The following PCSK6 variants were observed in gnomAD, a reference collection of about 807,000 sequenced individuals.
PCSK6 encodes paired basic amino acid cleaving enzyme 4.
A neutral mutation model predicts 123.3 loss-of-function variants in PCSK6; 85 were observed. The observed-to-expected ratio is 0.69, with a 90% CI of 0.58 to 0.83. PCSK6 has a LOEUF of 0.83. Among genes scored for constraint, PCSK6 ranks in the 40% least tolerant of loss-of-function variants. PCSK6 has a pLI of 0.00. For missense variants in PCSK6, 1,191 were observed against 1,282.3 expected (o/e 0.93, Z 1.09); for synonymous variants, 508 against 516.0 (o/e 0.98, Z 0.21).
intron 20 of PCSK6, among the ~76,000 whole-genome samples, chr15:101,310,815 G>A (rs1287187016): frequency 2.0e-5 from 3 of 152,218 alleles, no homozygotes; most frequent in African/African-American, 4.8e-5. Context: ...ACCCCACTGT[G>A]TGGTGAATCG....
At chr15:101,315,686 G>A (rs1008427325) in intron 19 of PCSK6, among the ~76,000 whole-genome samples, 2 of 152,268 alleles carry the variant, frequency 1.3e-5, no homozygotes, top group African/African-American at 4.8e-5. Context: ...ATGCTTGAGG[G>A]CTGACCGTCA....
chr15:101,403,263 G>T (rs1228711663), intron 6 of PCSK6, among the ~76,000 whole-genome samples: 7 of 116,028 alleles, frequency 6.0e-5, no homozygotes, highest in Admixed American at 1.1e-4. Flanking sequence ...ACACTCTGGG[G>T]ACTGTTGTGG....
intron 2 of PCSK6, among the ~76,000 whole-genome samples, chr15:101,443,144 T>G (rs1596337978): frequency 6.6e-6 from 1 of 152,346 alleles, no homozygotes; most frequent in East Asian, 1.9e-4. Flanking sequence ...ATCCTGAAGA[T>G]CATGTGAATC....
chr15:101,341,285 G>A (rs2040602480), intron 13 of PCSK6, among the ~76,000 whole-genome samples: 2 of 135,038 alleles, frequency 1.5e-5, no homozygotes, highest in Admixed American at 8.0e-5. Flanking sequence ...GTCTTGCTCT[G>A]TTATCCAGGC....
At chr15:101,431,624 A>G in intron 3 of PCSK6, 161 bp from the exon 4 acceptor site, 2 of 850,324 alleles carry the variant, frequency 2.4e-6, no homozygotes, top group Non-Finnish European at 3.8e-6. Context: ...TCCCACTCGG[A>G]TCGAGAATCA....
At chr15:101,475,839 C>G (rs1387056709) in intron 1 of PCSK6, among the ~76,000 whole-genome samples, 2 of 152,128 alleles carry the variant, frequency 1.3e-5, no homozygotes, top group Non-Finnish European at 2.9e-5. Flanking sequence ...CATATTAAAA[C>G]AACCACCAGA....
Position 101,398,716 on chromosome 15 carries a change from A to G in PCSK6, c.824-140T>C, listed in dbSNP as rs1596290483. On this transcript the variant is annotated intron_variant, in intron 6 of 21. Coordinates refer to ENST00000611716, the MANE Select transcript of PCSK6 (RefSeq NM_002570.5). This position sits in a 1 kb window ranked among gnomAD's most constrained non-coding sequence, Gnocchi z 4.6. ...AGGGGCTGTTCCCAGTCATTCTGCA[A>G]AACTGGCTCCTCTTCTCCATGCTGG... The G allele has an allele frequency of 2.2e-6, 2 of 915,258 alleles. No homozygotes were observed. The highest frequency in any genetic ancestry group is 3.2e-6 in the Non-Finnish European group (2 of 629,406). 56.7% of individuals were successfully genotyped at this position (915,258 alleles called of 1,614,324 possible). A position where few individuals can be genotyped will look rare whatever the true frequency, so the allele number is the denominator to read the frequency against.
intron 15 of PCSK6, 22 bp downstream of exon 15, chr15:101,331,629 T>C: frequency 6.2e-7 from 1 of 1,610,974 alleles, no homozygotes; most frequent in Non-Finnish European, 8.5e-7. Flanking sequence ...GGAAAATACT[T>C]ACTGGTTTGA....
At chr15:101,432,440 T>C (rs1185566573) in intron 2 of PCSK6, among the ~76,000 whole-genome samples, 1 of 122,002 alleles carries the variant, frequency 8.2e-6, no homozygotes, top group African/African-American at 3.4e-5. Flanking sequence ...CTGGGCAACA[T>C]GGTGAAACCC....
At chr15:101,315,978 C>T (rs1318413152) in intron 19 of PCSK6, among the ~76,000 whole-genome samples, 3 of 152,236 alleles carry the variant, frequency 2.0e-5, no homozygotes, top group Non-Finnish European at 4.4e-5. Flanking sequence ...TGCCCTACCC[C>T]AAGCACTCAT....
intron 1 of PCSK6, among the ~76,000 whole-genome samples, chr15:101,466,226 C>T (rs1467856431): frequency 6.6e-6 from 1 of 152,134 alleles, no homozygotes; most frequent in African/African-American, 2.4e-5. Flanking sequence ...AAAATCTGAG[C>T]AGACGGTTCT....
chr15:101,437,158 A>G (rs1276461869), intron 2 of PCSK6, among the ~76,000 whole-genome samples: 1 of 152,210 alleles, frequency 6.6e-6, no homozygotes, highest in Non-Finnish European at 1.5e-5. Context: ...GAACCACTGA[A>G]CCAAGCTAGA....
At chr15:101,357,648 C>A (rs1046913858) in intron 13 of PCSK6, among the ~76,000 whole-genome samples, 3 of 152,262 alleles carry the variant, frequency 2.0e-5, no homozygotes, top group South Asian at 4.1e-4. Context: ...CAGCGGCCGT[C>A]CTGCCCACCT....
chr15:101,398,030 G>C lies in PCSK6; in HGVS notation c.996+374C>G, dbSNP rs1192296186. Among the ~76,000 whole-genome samples, 1 of 152,222 alleles carries C rather than the reference G, an allele frequency of 6.6e-6. No homozygotes were observed. Among genetic ancestry groups the C allele is most frequent in the Non-Finnish European group, 1.5e-5 (1 of 68,032 alleles). On this transcript the variant is annotated intron_variant, in intron 7 of 21. Coordinates refer to ENST00000611716, the MANE Select transcript of PCSK6 (RefSeq NM_002570.5). The surrounding 1 kb of genome is among the most constrained non-coding windows in gnomAD (Gnocchi z 4.6). ...CCACAGCTGGGTGTTTCTAAGGGCA[G>C]GTGGGCCGAGGCCCCTGCAGAGTCC...
At chr15:101,405,084 C>T (rs982884769) in intron 6 of PCSK6, among the ~76,000 whole-genome samples, 4 of 152,182 alleles carry the variant, frequency 2.6e-5, no homozygotes, top group South Asian at 2.1e-4. Context: ...TTCCCCAACA[C>T]TGACAAGTTG....
chr15:101,330,460 C>T (rs968341713), intron 15 of PCSK6, among the ~76,000 whole-genome samples: 4 of 152,208 alleles, frequency 2.6e-5, no homozygotes, highest in Non-Finnish European at 4.4e-5. Flanking sequence ...TGGACTCTAA[C>T]GTGGCTCGTC....
chr15:101,430,161 C>T (rs940732350), intron 4 of PCSK6, 98 bp from the exon 5 acceptor site: 119 of 846,446 alleles, frequency 1.4e-4, no homozygotes, highest in South Asian at 5.7e-5. Flanking sequence ...AAACCACACG[C>T]GGGGCTCCTC....
intron 18 of PCSK6, among the ~76,000 whole-genome samples, chr15:101,319,916 C>T (rs927686727): frequency 2.6e-5 from 4 of 152,148 alleles, no homozygotes; most frequent in African/African-American, 9.7e-5. Context: ...GCCAATTAAT[C>T]GAACCCAAGG....
rs1475709529 is a variant in PCSK6, at chr15:101,388,780, T to C, written c.1310+684A>G. Among the ~76,000 whole-genome samples, 3 of 152,044 alleles carry C rather than the reference T, an allele frequency of 2.0e-5. No homozygotes were observed. In the East Asian group the frequency reaches 5.8e-4, roughly 29 times the overall value. On this transcript the variant is annotated intron_variant, in intron 9 of 21. Transcript: ENST00000611716. ...TGAACCTTAAAGACGTTATGTGAAGTGAAATAAGCCAGGCACAAAAGGACA... is the reference window on the plus strand; with the variant it reads ...TGAACCTTAAAGACGTTATGTGAAGCGAAATAAGCCAGGCACAAAAGGACA...
Sources: gnomAD v4.1 joint callset for allele counts (sites outside exome capture counted in the v4.1 genomes callset) on GRCh38, gnomAD v4.1.1 for gene constraint, Gnocchi (gnomAD v3.1) non-coding constraint, MANE v1.5 for transcripts, NCBI Gene and HGNC (gene_info 2026-07-23, HGNC 2026-07-21) for gene names.